Variants in ST18 observed in about 807,000 individuals in gnomAD.
ST18 encodes suppression of tumorigenicity 18 protein.
ST18 carries 50 observed loss-of-function variants against 110.0 expected under a neutral mutation model. That is an observed-to-expected ratio of 0.45 (90% CI 0.36 to 0.58). The LOEUF (loss-of-function observed/expected upper bound fraction) is 0.58. Among genes scored for constraint, ST18 ranks in the 20% least tolerant of loss-of-function variants. ST18 has a pLI of 0.00. For synonymous variants in ST18, 461 were observed against 452.4 expected, an observed-to-expected ratio of 1.02 and a Z score of -0.24; for missense variants, 1,306 against 1,280.1, an observed-to-expected ratio of 1.02 and a Z score of -0.31.
intron 2 of ST18, among the ~76,000 whole-genome samples, chr8:52,353,023 C>T (rs1011005897): frequency 6.6e-6 from 1 of 152,166 alleles, no homozygotes; most frequent in African/African-American, 2.4e-5. Flanking sequence ...ATTCTGAACT[C>T]CTGTTCTTTC....
chr8:52,137,724 C>T (rs1349300932), intron 17 of ST18: 11 of 446,036 alleles, frequency 2.5e-5, no homozygotes, highest in Non-Finnish European at 3.6e-5. Context: ...ACATCACATT[C>T]GATTATTTGA....
At chr8:52,179,404 A>C (rs1441946842) in intron 9 of ST18, among the ~76,000 whole-genome samples, 1 of 152,228 alleles carries the variant, frequency 6.6e-6, no homozygotes, top group Non-Finnish European at 1.5e-5. Flanking sequence ...TAAAATGTGC[A>C]CCTAAAGAGA....
chr8:52,292,225 A>T (rs1284268385), intron 2 of ST18, among the ~76,000 whole-genome samples: 1 of 152,216 alleles, frequency 6.6e-6, no homozygotes, highest in Admixed American at 6.5e-5. Flanking sequence ...AGTGCTTAAG[A>T]ACTACCTATT....
intron 15 of ST18, among the ~76,000 whole-genome samples, chr8:52,153,469 T>A (rs1170601694): frequency 6.6e-6 from 1 of 152,220 alleles, no homozygotes; most frequent in African/African-American, 2.4e-5. Flanking sequence ...GTTAAATATG[T>A]TTTCAAAGTA....
intron 2 of ST18, among the ~76,000 whole-genome samples, chr8:52,231,553 C>A (rs985319328): frequency 6.6e-6 from 1 of 151,992 alleles, no homozygotes; most frequent in Non-Finnish European, 1.5e-5. Context: ...TCTTGGCTCA[C>A]CACAACCTCC....
intron 2 of ST18, among the ~76,000 whole-genome samples, chr8:52,391,174 C>T (rs1456894043): frequency 1.3e-5 from 2 of 152,182 alleles, no homozygotes; most frequent in Admixed American, 1.3e-4. Context: ...TCTTTCACCC[C>T]CTTTCCCTGG....
At chr8:52,349,250 T>G (rs1353537396) in intron 2 of ST18, among the ~76,000 whole-genome samples, 1 of 152,236 alleles carries the variant, frequency 6.6e-6, no homozygotes, top group Non-Finnish European at 1.5e-5. Flanking sequence ...GTAGACAGCC[T>G]GTGTCCTGAA....
chr8:52,268,492 T>TATCAATC (rs753715608), intron 2 of ST18, among the ~76,000 whole-genome samples: 4 of 151,066 alleles, frequency 2.6e-5, no homozygotes, highest in Non-Finnish European at 5.9e-5. Flanking sequence ...TCTATCTATC[T>TATCAATC]ATCTATCTAT....
chr8:52,408,570 C>T (rs1035245189), intron 2 of ST18, among the ~76,000 whole-genome samples: 1 of 152,208 alleles, frequency 6.6e-6, no homozygotes, highest in East Asian at 1.9e-4. Flanking sequence ...ATTGTACCAA[C>T]AAATAAAAGT....
intron 2 of ST18, among the ~76,000 whole-genome samples, chr8:52,272,419 A>T (rs969518361): frequency 7.0e-6 from 1 of 142,882 alleles, no homozygotes; most frequent in African/African-American, 3.1e-5. Context: ...CAAAGGAGAC[A>T]TGCAAATGGC....
intron 2 of ST18, among the ~76,000 whole-genome samples, chr8:52,242,640 AC>A (rs2093527316): frequency 6.6e-6 from 1 of 152,158 alleles, no homozygotes; most frequent in Non-Finnish European, 1.5e-5. Flanking sequence ...GGAGTTCAAG[AC>A]CAGCCTGCCT....
intron 2 of ST18, among the ~76,000 whole-genome samples, chr8:52,320,654 A>C (rs772863078): frequency 1.3e-5 from 2 of 152,236 alleles, no homozygotes; most frequent in Non-Finnish European, 2.9e-5. Context: ...AACTACCGTG[A>C]GATACTATCA....
At chr8:52,279,971 C>G (rs961039913) in intron 2 of ST18, among the ~76,000 whole-genome samples, 3 of 151,988 alleles carry the variant, frequency 2.0e-5, no homozygotes, top group Non-Finnish European at 4.4e-5. Flanking sequence ...GATACCAATG[C>G]TAGAAAGAAT....
At chr8:52,191,729 G>T (rs2074560404) in intron 8 of ST18, among the ~76,000 whole-genome samples, 3 of 152,200 alleles carry the variant, frequency 2.0e-5, no homozygotes, top group Admixed American at 6.5e-5. Context: ...AGAGATATAG[G>T]GAAGGGCTCA....
At chr8:52,372,499 C>T (rs1830640497) in intron 2 of ST18, among the ~76,000 whole-genome samples, 2 of 152,202 alleles carry the variant, frequency 1.3e-5, no homozygotes, top group Admixed American at 6.5e-5. Context: ...ATGTGCTAGG[C>T]CTTCACCACT....
rs376116354 is a variant in ST18, at chr8:52,221,572, G to A, written c.-265+68C>T. On this transcript the variant is annotated intron_variant, in intron 4 of 25. Coordinates refer to ENST00000689386, the MANE Select transcript of ST18 (RefSeq NM_001352837.2). ...AGGAACCAATTTATACAAACATCAC[G>A]TGTATCCATGCACATTTAAAATGTT... The A allele has an allele frequency of 4.6e-5, 7 of 152,264 alleles. No individual in the cohort carries two copies. The East Asian group carries it at 1.2e-3, about 25-fold the overall frequency. The allele number at this position is 152,264 out of a possible 1,614,324, so 9.4% of individuals were successfully genotyped here.
chr8:52,214,399 T>C (rs2136104602), intron 6 of ST18, 142 bp from the exon 7 acceptor site: 1 of 717,944 alleles, frequency 1.4e-6, no homozygotes, highest in Non-Finnish European at 2.3e-6. Context: ...CTATAGTACA[T>C]AACTGTGACT....
Position 52,116,411 on chromosome 8 carries a change from G to T in ST18, c.2867C>A (p.Ser956Tyr), listed in dbSNP as rs2042557032. ...TATCGTCTTTAAGTTGCTCTCCATA[G>T]ATGTGATCTACAACAGAAATAACTT... ...DMMKLQTQIT[S>Y]MESNLKTIEE... Residue 956 changes from serine to tyrosine, a missense_variant, in exon 25 of 26, where the codon TCT becomes TAT. Physicochemically the swap from Ser to Tyr is moderately radical, Grantham distance 144. Coordinates refer to ENST00000689386, the MANE Select transcript of ST18 (RefSeq NM_001352837.2). The T allele has an allele frequency of 1.2e-6, 2 of 1,612,268 alleles. No individual in the cohort carries two copies. The highest frequency in any genetic ancestry group is 2.7e-5 in the African/African-American group (2 of 74,834).
chr8:52,221,427 T>C (rs545540172), intron 4 of ST18, among the ~76,000 whole-genome samples: 23 of 152,340 alleles, frequency 1.5e-4, no homozygotes, highest in African/African-American at 5.1e-4. Context: ...TCAGTCATCA[T>C]ACACAGAGGT....
Sources: gnomAD v4.1 joint callset for allele counts (sites outside exome capture counted in the v4.1 genomes callset) on GRCh38, gnomAD v4.1.1 for gene constraint, MANE v1.5 for transcripts, NCBI Gene and HGNC (gene_info 2026-07-23, HGNC 2026-07-21) for gene names.